The following DCST1 variants were observed in gnomAD, a reference collection of about 807,000 sequenced individuals.
DCST1 encodes the protein DC-STAMP domain containing 1.
DCST1 carries 78 observed loss-of-function variants against 89.1 expected under a neutral mutation model. The ratio of observed to expected loss-of-function variants is 0.88; its 90% confidence interval spans 0.73 to 1.06. The LOEUF is 1.06. Ranked by LOEUF, DCST1 falls within the 50% of genes least tolerant of loss-of-function variation. The pLI, the probability that DCST1 is intolerant of heterozygous loss-of-function variation, is 0.00. For synonymous variants in DCST1, 364 were observed against 371.9 expected (o/e 0.98, Z 0.24); for missense variants, 900 against 928.6 (o/e 0.97, Z 0.40).
chr1:155,039,640 G>T, intron 5 of DCST1, 109 bp downstream of exon 5: 1 of 1,378,826 alleles, frequency 7.3e-7, no homozygotes, highest in South Asian at 1.7e-5. Context: ...CATCCCAGCT[G>T]CTCTAACTCA....
chr1:155,045,170 G>A (rs1441146415), intron 10 of DCST1: 6 of 152,286 alleles, frequency 3.9e-5, no homozygotes, highest in Non-Finnish European at 8.8e-5. Context: ...GGCCCCAGAA[G>A]CAATAGCATT....
At position 155,034,548 on chromosome 1, in the gene DCST1, C is replaced by T; in HGVS notation, c.175C>T (p.Leu59Phe). The change falls in exon 3 of 17, where the codon CTC becomes TTC. Residue 59 changes from leucine to phenylalanine, a missense_variant. Leu to Phe is a conservative substitution (Grantham distance 22). Transcript: ENST00000295542. ...ALLLGAGAGG[L>F]LAIGLFQLLV... ...CCTGCTGGGGGCAGGCGCTGGGGGG[C>T]TCCTGGCCATAGGTGAGTGTGGAAG... 6.2e-7 allele frequency: 1 copy of T among 1,613,712 alleles called. No individual in the cohort carries two copies. Among genetic ancestry groups the T allele is most frequent in the Non-Finnish European group, 8.5e-7 (1 of 1,180,012 alleles).
chr1:155,040,638 A>T lies in DCST1; in HGVS notation c.531+14A>T. The T allele has an allele frequency of 7.7e-6, 12 of 1,560,654 alleles. No individual in the cohort carries two copies. The highest frequency in any genetic ancestry group is 9.6e-6 in the Non-Finnish European group (11 of 1,150,852). The stretch of plus-strand genomic sequence containing the variant: ...AAGGACCTGCTGGTCAGGAATCTGC[A>T]CAGGCAGAGCCTGGGGGGTCCCTCT... On this transcript the variant is annotated intron_variant, in intron 6 of 16. Coordinates refer to ENST00000295542, the MANE Select transcript of DCST1 (RefSeq NM_152494.4).
chr1:155,046,538 A>G, intron 13 of DCST1, 52 bp downstream of exon 13: 2 of 1,591,472 alleles, frequency 1.3e-6, no homozygotes, highest in East Asian at 2.3e-5. Flanking sequence ...CCTCTGGAGA[A>G]CTCCAATGCC....
Position 155,042,872 on chromosome 1 carries a change from G to A in DCST1, c.1014+16G>A, listed in dbSNP as rs1215561183. 12 of 1,613,946 alleles carry A rather than the reference G, an allele frequency of 7.4e-6. No individual in the cohort carries two copies. Among genetic ancestry groups the A allele is most frequent in the Middle Eastern group, 1.7e-4 (1 of 6,044 alleles). Reference sequence around the variant, plus strand: ...TGACTTCAAGGTAGAAGGCAAGGGCGAGGGTTGGTGGGGGGTAGATAGGGA... The same window carrying A: ...TGACTTCAAGGTAGAAGGCAAGGGCAAGGGTTGGTGGGGGGTAGATAGGGA... On this transcript the variant is annotated intron_variant, in intron 9 of 16. Coordinates refer to ENST00000295542, the MANE Select transcript of DCST1 (RefSeq NM_152494.4).
intron 8 of DCST1, 78 bp from the exon 9 acceptor site, chr1:155,042,646 TGAGGAGGACTA>T: frequency 6.4e-7 from 1 of 1,567,630 alleles, no homozygotes; most frequent in South Asian, 1.1e-5. Flanking sequence ...AAAAGCAGGA[TGAGGAGGACTA>T]CAGGAGGACA....
chr1:155,035,749 G>A (rs1292197071), intron 4 of DCST1, among the ~76,000 whole-genome samples: 1 of 152,040 alleles, frequency 6.6e-6, no homozygotes, highest in African/African-American at 2.4e-5. Flanking sequence ...GGCCAACATG[G>A]TGAAACCCTG....
At chr1:155,037,761 A>G (rs1177347611) in intron 4 of DCST1, among the ~76,000 whole-genome samples, 1 of 152,070 alleles carries the variant, frequency 6.6e-6, no homozygotes, top group African/African-American at 2.4e-5. Flanking sequence ...TTTTATATAG[A>G]TGGGGTGGGA....
Position 155,048,130 on chromosome 1 carries a change from G to C in DCST1, c.1829G>C (p.Arg610Thr). The C allele has an allele frequency of 6.2e-7, 1 of 1,614,042 alleles. No homozygotes were observed. Among genetic ancestry groups the C allele is most frequent in the Non-Finnish European group, 8.5e-7 (1 of 1,180,010 alleles). The stretch of plus-strand genomic sequence containing the variant: ...AGAGCAGCCTTCACCAAACTCAGGA[G>C]GGCCGCTATCCTGAGGCGGGAGCGA... ...KKRAAFTKLRRAAILRRERQQ... is the reference protein window; with the variant it reads ...KKRAAFTKLRTAAILRRERQQ... The change falls in exon 16 of 17, where the codon AGG (arginine) becomes ACG (threonine). Residue 610 changes from arginine (R) to threonine (T), a missense_variant. Transcript: ENST00000295542.
intron 8 of DCST1, among the ~76,000 whole-genome samples, chr1:155,042,484 G>T (rs978778613): frequency 4.6e-5 from 7 of 152,186 alleles, no homozygotes; most frequent in Admixed American, 4.6e-4. Flanking sequence ...CTCTGTAAAC[G>T]CTGGCTCTCC....
intron 7 of DCST1, 34 bp from the exon 8 acceptor site, chr1:155,041,680 T>C (rs754811628): frequency 1.2e-6 from 2 of 1,614,044 alleles, no homozygotes; most frequent in Non-Finnish European, 1.7e-6. Flanking sequence ...GATCAAGATG[T>C]GGGAACCTCA....
intron 5 of DCST1, 90 bp from the exon 6 acceptor site, chr1:155,040,395 C>A: frequency 2.1e-6 from 3 of 1,433,650 alleles, no homozygotes; most frequent in Non-Finnish European, 1.9e-6. Context: ...TAGTTCTAGG[C>A]GATGGGCACT....
At chr1:155,046,562 C>G (rs1013327449) in intron 13 of DCST1, 76 bp downstream of exon 13, 139 of 1,466,058 alleles carry the variant, frequency 9.5e-5, no homozygotes, top group Non-Finnish European at 1.2e-4. Flanking sequence ...ACAGCCACCC[C>G]ACCCTAGTTC....
chr1:155,044,085 GC>G (rs1660526293), intron 10 of DCST1, among the ~76,000 whole-genome samples: 1 of 152,342 alleles, frequency 6.6e-6, no homozygotes, highest in African/African-American at 2.4e-5. Flanking sequence ...TGCTCTGTCT[GC>G]CCCTATGTGG....
At chr1:155,042,710 C>T (rs760961468) in intron 8 of DCST1, 25 bp from the exon 9 acceptor site, 76 of 1,613,776 alleles carry the variant, frequency 4.7e-5, no homozygotes, top group Non-Finnish European at 6.1e-5. Flanking sequence ...CGGGGAGGCC[C>T]CTGACCCCGT....
Position 155,041,545 on chromosome 1 carries a change from C to G in DCST1, c.680C>G (p.Ala227Gly), listed in dbSNP as rs1311879395. The change falls in exon 7 of 17, where the codon GCC (alanine) becomes GGC (glycine). Residue 227 changes from alanine (A) to glycine (G), a missense_variant. By Grantham distance (60) the Ala-to-Gly change is moderately conservative. Transcript: ENST00000295542. ...ETAQGREARQAPASRLHLSTQ... is the reference protein window; with the variant it reads ...ETAQGREARQGPASRLHLSTQ... ...GCCCAGGGCAGGGAGGCCCGCCAAGCCCCAGCCTCCAGACTCCACCTGTCG... is the reference window on the plus strand; with the variant it reads ...GCCCAGGGCAGGGAGGCCCGCCAAGGCCCAGCCTCCAGACTCCACCTGTCG... 6.2e-7 allele frequency: 1 copy of G among 1,613,982 alleles called. No individual in the cohort carries two copies. The highest frequency in any genetic ancestry group is 1.3e-5 in the African/African-American group (1 of 74,926).
intron 5 of DCST1, 38 bp downstream of exon 5, chr1:155,039,569 T>C (rs1278981391): frequency 9.3e-6 from 14 of 1,498,212 alleles, no homozygotes; most frequent in Non-Finnish European, 1.2e-5. Context: ...ACTGAAGCAG[T>C]GACCCTGGGT....
chr1:155,043,524 C>T lies in DCST1; in HGVS notation c.1172+15C>T, dbSNP rs745704826. 4 of 1,560,756 alleles carry T rather than the reference C, an allele frequency of 2.6e-6. No individual in the cohort carries two copies. In the East Asian group the frequency reaches 9.0e-5, roughly 35 times the overall value. Reference sequence around the variant, plus strand: ...GTCCTGCATGCGTGAGCCATAGTCCCCACCCCAGCAGCCCCTCCTCTGCCC... The same window carrying T: ...GTCCTGCATGCGTGAGCCATAGTCCTCACCCCAGCAGCCCCTCCTCTGCCC... On this transcript the variant is annotated intron_variant, in intron 10 of 16. Coordinates refer to ENST00000295542, the MANE Select transcript of DCST1 (RefSeq NM_152494.4).
chr1:155,040,709 TAC>T (rs1340342421), intron 6 of DCST1, 85 bp downstream of exon 6: 12 of 1,471,554 alleles, frequency 8.2e-6, no homozygotes, highest in African/African-American at 2.8e-5. Flanking sequence ...ACCCTGGATT[TAC>T]AGTTTCCCAA....
Sources: allele counts gnomAD v4.1 joint callset (sites outside exome capture counted in the v4.1 genomes callset), GRCh38; gene constraint gnomAD v4.1.1; transcripts MANE v1.5; gene names NCBI Gene and HGNC (gene_info 2026-07-23, HGNC 2026-07-21).